Variants in DGKH observed in about 807,000 individuals in gnomAD.
DGKH encodes the protein diacylglycerol kinase eta.
A neutral mutation model predicts 159.3 loss-of-function variants in DGKH; 90 were observed. The ratio of observed to expected loss-of-function variants is 0.57; its 90% CI spans 0.48 to 0.67. The LOEUF (loss-of-function observed/expected upper bound fraction) is 0.67. Among genes scored for constraint, DGKH ranks in the 30% least tolerant of loss-of-function variants. DGKH has a pLI of 0.00. For missense variants in DGKH, 1,181 were observed against 1,506.1 expected (o/e 0.78, Z 3.57); for synonymous variants, 536 against 553.8 (o/e 0.97, Z 0.45).
chr13:42,138,577 T>C (rs1422735261), intron 3 of DGKH, among the ~76,000 whole-genome samples: 2 of 152,178 alleles, frequency 1.3e-5, no homozygotes, highest in Non-Finnish European at 2.9e-5. Context: ...GGACAAAAAG[T>C]ATTAGGTCAT....
intron 1 of DGKH, among the ~76,000 whole-genome samples, chr13:42,077,113 T>C (rs972511571): frequency 1.3e-5 from 2 of 152,164 alleles, no homozygotes; most frequent in African/African-American, 4.8e-5. Flanking sequence ...CTTGGTACTT[T>C]CAAATTGCTC....
chr13:42,151,612 CA>C (rs1555266640), intron 3 of DGKH, among the ~76,000 whole-genome samples: 1,711 of 102,970 alleles, frequency 0.017, 16 homozygotes, highest in East Asian at 0.057. Flanking sequence ...CACACACACA[CA>C]CCCCATGGAA....
intron 29 of DGKH, among the ~76,000 whole-genome samples, chr13:42,226,051 C>A (rs1958124122): frequency 6.6e-6 from 1 of 152,008 alleles, no homozygotes; most frequent in African/African-American, 2.4e-5. Flanking sequence ...ATCTGTCCAT[C>A]TGAACAAAGG....
At chr13:42,244,231 CCT>C (rs1416911292), downstream of DGKH, among the ~76,000 whole-genome samples, 14 of 152,132 alleles carry the variant, frequency 9.2e-5, no homozygotes, top group African/African-American at 3.4e-4. Context: ...TGGGCTGAAA[CCT>C]TTGGAGAAGA....
chr13:42,168,338 CTTATAT>C, intron 9 of DGKH, 96 bp from the exon 10 acceptor site: 3 of 981,530 alleles, frequency 3.1e-6, no homozygotes, highest in Non-Finnish European at 4.4e-6. Context: ...AGTAGGAGTT[CTTATAT>C]TTAATCTGAA....
rs1566192701 is a variant in DGKH, at chr13:42,207,141, C to CT, written c.2601+995_2601+996insT. On this transcript the variant is annotated intron_variant, in intron 21 of 29. Coordinates refer to ENST00000337343, the MANE Select transcript of DGKH (RefSeq NM_178009.5). ...TTTCTCTCTCCTTCCTTCCTTCCTTCCTTCCTTCCTTCCTTCCTTCCTTCC... is the reference window on the plus strand; with the variant it reads ...TTTCTCTCTCCTTCCTTCCTTCCTTCTCTTCCTTCCTTCCTTCCTTCCTTCC... Among the ~76,000 whole-genome samples the CT allele has an allele frequency of 5.9e-3, 261 of 44,512 alleles. 20 individuals carry two copies. Among genetic ancestry groups the CT allele is most frequent in the Admixed American group, 0.011 (29 of 2,720 alleles). 29.2% of individuals were successfully genotyped at this position (44,512 alleles called of 152,430 possible).
chr13:42,188,943 C>A (rs1594172992), intron 14 of DGKH, 93 bp from the exon 15 acceptor site: 1 of 1,429,634 alleles, frequency 7.0e-7, no homozygotes, highest in East Asian at 2.4e-5. Context: ...AGTGATTAAA[C>A]TTTCAAAACA....
downstream of DGKH, among the ~76,000 whole-genome samples, chr13:42,244,670 C>A (rs908750719): frequency 6.6e-6 from 1 of 151,716 alleles, no homozygotes; most frequent in African/African-American, 2.4e-5. Flanking sequence ...TTTGGGAGGC[C>A]GAGGCGGGCG....
In DGKH at chr13:42,206,975, T is replaced by TTTTCTCTTTCTTTCTTTC. The variant is rs1555275936; in HGVS notation, c.2601+834_2601+835insCTTTCTTTCTTTCTTTCT. ...CACAATACCTTTTGGTACTTTTACT[T>TTTTCTCTTTCTTTCTTTC]TTTCTTTCTTTCTTTCTTTCTTTCT... On this transcript the variant is annotated intron_variant, in intron 21 of 29. Coordinates refer to ENST00000337343, the MANE Select transcript of DGKH (RefSeq NM_178009.5). Among the ~76,000 whole-genome samples the TTTTCTCTTTCTTTCTTTC allele has an allele frequency of 8.6e-3, 706 of 82,374 alleles. 25 individuals are homozygous for TTTTCTCTTTCTTTCTTTC. Among genetic ancestry groups the TTTTCTCTTTCTTTCTTTC allele is most frequent in the Middle Eastern group, 0.03 (5 of 164 alleles). The allele number at this position is 82,374 out of a possible 152,430, so 54.0% of individuals were successfully genotyped here. A position where few individuals can be genotyped will look rare whatever the true frequency, so the allele number is the denominator to read the frequency against.
intron 24 of DGKH, among the ~76,000 whole-genome samples, chr13:42,211,794 G>C (rs746865507): frequency 6.6e-6 from 1 of 152,184 alleles, no homozygotes; most frequent in Non-Finnish European, 1.5e-5. Context: ...AGGAGCAAAG[G>C]CACGTCTTAC....
chr13:42,041,239 C>T (rs1386505709), intron 1 of DGKH, among the ~76,000 whole-genome samples: 1 of 152,136 alleles, frequency 6.6e-6, no homozygotes, highest in African/African-American at 2.4e-5. Context: ...GGAATGTAGG[C>T]GGGGGAGAGG....
At chr13:42,155,889 T>C in intron 5 of DGKH, 90 bp downstream of exon 5, 6 of 1,482,904 alleles carry the variant, frequency 4.0e-6, no homozygotes, top group Non-Finnish European at 5.5e-6. Context: ...AAAATTGAGC[T>C]CTCCACACAT....
intron 1 of DGKH, chr13:42,069,510 A>T: frequency 6.3e-7 from 1 of 1,586,390 alleles, no homozygotes; most frequent in Non-Finnish European, 8.6e-7. Context: ...CAATAAAGGA[A>T]TGAAAATCAA....
chr13:42,248,550 T>C (rs544098503), intron 29 of DGKH, among the ~76,000 whole-genome samples: 127 of 147,230 alleles, frequency 8.6e-4, no homozygotes, highest in African/African-American at 3.0e-3. Context: ...ATTTAAATTA[T>C]ATTGTTTAAT....
At chr13:42,173,964 C>CGT (rs1555270275) in intron 11 of DGKH, 96 bp from the exon 12 acceptor site, 42,601 of 598,028 alleles carry the variant, frequency 0.071, 1,888 homozygotes, top group African/African-American at 0.27. Flanking sequence ...TGTGTGCGTG[C>CGT]GTGTGTGTGT....
chr13:42,180,233 A>G lies in DGKH; in HGVS notation c.1538+2013A>G, dbSNP rs371325522. ...AACTGGGCCTGGGATGAGAAAGACA[A>G]TAGGGAGTGCTAAAGCCTGGGACAA... On this transcript the variant is annotated intron_variant, in intron 13 of 29. Coordinates refer to ENST00000337343, the MANE Select transcript of DGKH (RefSeq NM_178009.5). Among the ~76,000 whole-genome samples the G allele has an allele frequency of 1.0e-3, 155 of 152,358 alleles. 1 individual carries two copies. The highest frequency in any genetic ancestry group is 3.6e-3 in the African/African-American group (151 of 41,582).
chr13:42,096,880 G>A (rs1448665804), intron 1 of DGKH, among the ~76,000 whole-genome samples: 1 of 152,124 alleles, frequency 6.6e-6, no homozygotes, highest in Non-Finnish European at 1.5e-5. Flanking sequence ...CTGCACACGT[G>A]GGTTTCCGTG....
Position 42,159,244 on chromosome 13 carries a change from CTTTT to C in DGKH, c.623-6_623-3del, listed in dbSNP as rs57531279. The C allele has an allele frequency of 2.4e-3, 509 of 215,082 alleles. 2 individuals are homozygous for C. Among genetic ancestry groups the C allele is most frequent in the East Asian group, 6.1e-3 (70 of 11,478 alleles). 13.3% of individuals were successfully genotyped at this position (215,082 alleles called of 1,614,324 possible). ...TCTTGTCCACTTAAAAGCAGTTGCT[CTTTT>C]TTTTTTTTTTTTTTTAGTGTGTAAA... On this transcript the variant is annotated intron_variant, in intron 5 of 29. Coordinates refer to ENST00000337343, the MANE Select transcript of DGKH (RefSeq NM_178009.5).
At chr13:42,210,369 C>CCG in intron 23 of DGKH, among the ~76,000 whole-genome samples, 1 of 151,984 alleles carries the variant, frequency 6.6e-6, no homozygotes, top group South Asian at 2.1e-4. Context: ...GGTGATTGTC[C>CCG]CGCCTTGACC....
Sources: gnomAD v4.1 joint callset for allele counts (sites outside exome capture counted in the v4.1 genomes callset) on GRCh38, gnomAD v4.1.1 for gene constraint, MANE v1.5 for transcripts, NCBI Gene and HGNC (gene_info 2026-07-23, HGNC 2026-07-21) for gene names.